LETM1: variants seen among roughly 807,000 people sequenced by gnomAD.
The protein encoded by LETM1 is mitochondrial proton/calcium exchanger protein.
In LETM1, 50 loss-of-function variants were observed where a neutral mutation model predicts 74.5. The ratio of observed to expected loss-of-function variants is 0.67; its 90% confidence interval spans 0.53 to 0.85. LETM1 has a LOEUF of 0.85. Ranked by LOEUF, LETM1 falls within the 40% of genes least tolerant of loss-of-function variation. The pLI, the probability that LETM1 is intolerant of heterozygous loss-of-function variation, is 0.00. For missense variants in LETM1, 824 were observed against 967.8 expected (o/e 0.85, Z 1.97); for synonymous variants, 446 against 407.1 (o/e 1.10, Z -1.15).
At chr4:1,816,969 G>C (rs1487063052) in intron 11 of LETM1, 55 bp from the exon 12 acceptor site, 12 of 1,459,728 alleles carry the variant, frequency 8.2e-6, no homozygotes, top group East Asian at 2.3e-5. Flanking sequence ...AAGGGGGTCA[G>C]GTGTAGTGGC....
intron 13 of LETM1, 22 bp downstream of exon 13, chr4:1,815,642 C>G (rs372488672): frequency 6.2e-7 from 1 of 1,612,924 alleles, no homozygotes; most frequent in Non-Finnish European, 8.5e-7. Flanking sequence ...GGATGGCCTG[C>G]GTGGTCCCCA....
chr4:1,842,570 C>A (rs1560502791), intron 2 of LETM1, among the ~76,000 whole-genome samples: 1 of 152,232 alleles, frequency 6.6e-6, no homozygotes, highest in African/African-American at 2.4e-5. Flanking sequence ...GTCTTAGAGA[C>A]CAGGTGCACA....
chr4:1,822,687 GC>G, intron 9 of LETM1: 1 of 353,316 alleles, frequency 2.8e-6, no homozygotes, highest in Non-Finnish European at 5.1e-6. Context: ...CTCTGCCAGC[GC>G]CCCTCACAGC....
In LETM1 at chr4:1,841,254, AG is replaced by A. The variant is rs1429600645; in HGVS notation, c.594+92del. ...CAGATACTCGGGAGGCTGAGGCAGGAGGATCGCCCATGCCCAGGAAATTGCG... is the reference window on the plus strand; with the variant it reads ...CAGATACTCGGGAGGCTGAGGCAGGAGATCGCCCATGCCCAGGAAATTGCG... On this transcript the variant is annotated intron_variant, in intron 3 of 13. Coordinates refer to ENST00000302787, the MANE Select transcript of LETM1 (RefSeq NM_012318.3). The A allele has an allele frequency of 2.2e-5, 25 of 1,127,116 alleles. No homozygotes were observed. In the African/African-American group the frequency reaches 3.6e-4, roughly 16 times the overall value. The allele number at this position is 1,127,116 out of a possible 1,614,324, so 69.8% of individuals were successfully genotyped here. A position where few individuals can be genotyped will look rare whatever the true frequency, so the allele number is the denominator to read the frequency against.
In LETM1 at chr4:1,836,404, C is replaced by A. The variant is rs372516099; in HGVS notation, c.738+25G>T. 6.2e-7 allele frequency: 1 copy of A among 1,612,122 alleles called. No individual in the cohort carries two copies. The highest frequency in any genetic ancestry group is 1.1e-5 in the South Asian group (1 of 91,020). ...AATGAATTTCAGACTCATTCTAAAA[C>A]AAGCAGTTGGGATGCTGCCCTTACC... is the stretch of plus-strand genomic sequence containing the variant. On this transcript the variant is annotated intron_variant, in intron 4 of 13. Coordinates refer to ENST00000302787, the MANE Select transcript of LETM1 (RefSeq NM_012318.3). This position sits in a 1 kb window ranked among gnomAD's most constrained non-coding sequence, Gnocchi z 5.8.
intron 1 of LETM1, among the ~76,000 whole-genome samples, chr4:1,855,503 G>A (rs1340417257): frequency 6.6e-6 from 1 of 152,224 alleles, no homozygotes; most frequent in Non-Finnish European, 1.5e-5. Flanking sequence ...TCTCGTCTCC[G>A]GGACCCCAAA....
rs1712388404 is a variant in LETM1 at position 1,834,330 on chromosome 4, TCGGTC to T, written c.876+510_876+514del. On this transcript the variant is annotated intron_variant, in intron 5 of 13. Coordinates refer to ENST00000302787, the MANE Select transcript of LETM1 (RefSeq NM_012318.3). The surrounding 1 kb of genome is among the most constrained non-coding windows in gnomAD (Gnocchi z 5.0). ...GAACCCCATCTAGTCCTCAGGGATCTCGGTCCGTGGCAGCTGCCGTCTCCCCATCC... is the reference window on the plus strand; with the variant it reads ...GAACCCCATCTAGTCCTCAGGGATCTCGTGGCAGCTGCCGTCTCCCCATCC... 1.1e-6 allele frequency: 1 copy of T among 950,564 alleles called. No homozygotes were observed. Among genetic ancestry groups the T allele is most frequent in the African/African-American group, 1.8e-5 (1 of 56,552 alleles). The allele number at this position is 950,564 out of a possible 1,614,324, so 58.9% of individuals were successfully genotyped here.
In LETM1 at chr4:1,814,186, G is replaced by A. The variant is rs769728248; in HGVS notation, c.*238C>T. The A allele has an allele frequency of 2.1e-4, 130 of 631,188 alleles. No homozygotes were observed. Among genetic ancestry groups the A allele is most frequent in the Middle Eastern group, 4.7e-4 (1 of 2,150 alleles). 39.1% of individuals were successfully genotyped at this position (631,188 alleles called of 1,614,324 possible). On this transcript the variant is annotated 3_prime_UTR_variant, in exon 14 of 14. Coordinates refer to ENST00000302787, the MANE Select transcript of LETM1 (RefSeq NM_012318.3). ...CAGCTGCCTCTGGAGCCAGGAGGCC[G>A]TGGCAGCCACACCACAGTGTGGATC...
In LETM1 at chr4:1,841,479, C is replaced by T. The variant is rs771660979; in HGVS notation, c.462G>A (p.Gly154=). 1 of 1,614,132 alleles carries T rather than the reference C, an allele frequency of 6.2e-7. No individual in the cohort carries two copies. Among genetic ancestry groups the T allele is most frequent in the Admixed American group, 1.7e-5 (1 of 60,010 alleles). ...PAEVVVKKSL[G]QRVLDELKHY... is the part of the protein sequence containing the mutation. Reference sequence around the variant, plus strand: ...GCTTCAGCTCGTCCAGCACCCGCTGCCCCAGGGACTTCTTCACCACCACCT... The same window carrying T: ...GCTTCAGCTCGTCCAGCACCCGCTGTCCCAGGGACTTCTTCACCACCACCT... Residue 154 remains glycine (G), a synonymous_variant, in exon 3 of 14, where the codon GGG becomes GGA. Transcript: ENST00000302787.
chr4:1,850,097 T>G (rs1422037163), intron 1 of LETM1, among the ~76,000 whole-genome samples: 4 of 151,978 alleles, frequency 2.6e-5, no homozygotes, highest in African/African-American at 9.7e-5. Flanking sequence ...AAGGTTGCAG[T>G]GAGCTGAGAT....
rs113123374 is a variant in LETM1, at chr4:1,838,346, C to T, written c.595-1774G>A. Reference sequence around the variant, plus strand: ...ATCTCTTGACCTCATGATCGGCCCGCCTCGGCCTCCCAAAGTTCTGGGATT... The same window carrying T: ...ATCTCTTGACCTCATGATCGGCCCGTCTCGGCCTCCCAAAGTTCTGGGATT... On this transcript the variant is annotated intron_variant, in intron 3 of 13. Transcript: ENST00000302787. Among the ~76,000 whole-genome samples the T allele has an allele frequency of 4.6e-3, 697 of 151,974 alleles. 6 individuals are homozygous for T. Among genetic ancestry groups the T allele is most frequent in the Middle Eastern group, 0.027 (8 of 294 alleles).
intron 6 of LETM1, among the ~76,000 whole-genome samples, chr4:1,827,189 A>C (rs1314498084): frequency 6.6e-6 from 1 of 151,160 alleles, no homozygotes; most frequent in African/African-American, 2.4e-5. Flanking sequence ...CTGGTGACAC[A>C]GTCTTAGCTT....
At chr4:1,850,334 T>C (rs1008470711) in intron 1 of LETM1, among the ~76,000 whole-genome samples, 1 of 151,892 alleles carries the variant, frequency 6.6e-6, no homozygotes, top group African/African-American at 2.4e-5. Flanking sequence ...CTCAAGTAGA[T>C]CCTGACTCCA....
chr4:1,844,814 A>C (rs1309707499), intron 2 of LETM1, among the ~76,000 whole-genome samples: 1 of 150,248 alleles, frequency 6.7e-6, no homozygotes, highest in African/African-American at 2.5e-5. Context: ...GCACGAGGCC[A>C]AGGCAGGAGC....
Position 1,822,997 on chromosome 4 carries a change from C to T in LETM1, c.1467G>A (p.Ser489=), listed in dbSNP as rs143000748. 9.2e-5 allele frequency: 146 copies of T among 1,587,804 alleles called. No individual in the cohort carries two copies. The African/African-American group carries it at 1.4e-3, about 15-fold the overall frequency. Residue 489 remains serine (S), a synonymous_variant, in exon 9 of 14, where the codon TCG becomes TCA. Coordinates refer to ENST00000302787, the MANE Select transcript of LETM1 (RefSeq NM_012318.3). ...CAGGACCACCGCTTACCGCCACCTCCGAGCGCTTCTGCAGCTCCTTCTCAC... is the reference window on the plus strand; with the variant it reads ...CAGGACCACCGCTTACCGCCACCTCTGAGCGCTTCTGCAGCTCCTTCTCAC... ...EHREKELQKR[S]EVAKDFEPER... is the part of the protein sequence containing the mutation.
intron 4 of LETM1, among the ~76,000 whole-genome samples, chr4:1,835,302 A>G (rs1712424363): frequency 6.6e-6 from 1 of 151,942 alleles, no homozygotes; most frequent in Admixed American, 6.6e-5. Context: ...AAAATTAGCC[A>G]GGCATGCACA....
At chr4:1,841,911 A>C (rs1320540774) in intron 2 of LETM1, 114 bp from the exon 3 acceptor site, 1 of 757,348 alleles carries the variant, frequency 1.3e-6, no homozygotes, top group African/African-American at 1.7e-5. Flanking sequence ...GCCATGTCAC[A>C]ACCACACACA....
At chr4:1,850,952 A>G (rs1196030942) in intron 1 of LETM1, among the ~76,000 whole-genome samples, 1 of 152,004 alleles carries the variant, frequency 6.6e-6, no homozygotes, top group Non-Finnish European at 1.5e-5. Context: ...AAAAAAAAAA[A>G]AAGAGAAGAA....
At chr4:1,843,094 C>A in intron 2 of LETM1, 1 of 265,612 alleles carries the variant, frequency 3.8e-6, no homozygotes. Flanking sequence ...AGCAGCAAGG[C>A]CCGAGCTCCG....
Sources: gnomAD v4.1 joint callset for allele counts (sites outside exome capture counted in the v4.1 genomes callset) on GRCh38, gnomAD v4.1.1 for gene constraint, Gnocchi (gnomAD v3.1) non-coding constraint, MANE v1.5 for transcripts, NCBI Gene and HGNC (gene_info 2026-07-23, HGNC 2026-07-21) for gene names.